Variants in ZNF536 observed in about 807,000 individuals in gnomAD.
ZNF536 encodes the protein zinc finger protein 536.
ZNF536 carries 13 observed loss-of-function variants against 84.5 expected under a neutral mutation model. The ratio of observed to expected loss-of-function variants is 0.15; its 90% CI spans 0.10 to 0.24. The LOEUF (loss-of-function observed/expected upper bound fraction) is 0.24, where lower values mean the gene tolerates loss of function less well. Ranked by LOEUF, ZNF536 falls within the 10% of genes least tolerant of loss-of-function variation. The pLI, the probability that ZNF536 is intolerant of heterozygous loss-of-function variation, is 1.00. For missense variants in ZNF536, 1,536 were observed against 1,747.5 expected, an observed-to-expected ratio of 0.88 and a Z score of 2.16; for synonymous variants, 811 against 742.5, an observed-to-expected ratio of 1.09 and a Z score of -1.50.
chr19:30,695,472 C>G (rs2051617670), intron 1 of ZNF536, among the ~76,000 whole-genome samples: 1 of 152,190 alleles, frequency 6.6e-6, no homozygotes, highest in Admixed American at 6.5e-5. Flanking sequence ...ATAAGTGGAG[C>G]TCTGCAGACT....
intron 2 of ZNF536, among the ~76,000 whole-genome samples, chr19:30,517,948 A>G (rs2044152647): frequency 6.6e-6 from 1 of 152,172 alleles, no homozygotes; most frequent in Non-Finnish European, 1.5e-5. Context: ...GGGCGAGGTC[A>G]TTAACGTGGT....
intron 1 of ZNF536, among the ~76,000 whole-genome samples, chr19:30,636,243 C>T (rs1057127527): frequency 1.3e-5 from 2 of 152,066 alleles, no homozygotes; most frequent in African/African-American, 4.8e-5. Context: ...AATGAGATAA[C>T]CAGGTCCTAC....
At chr19:30,324,455 T>C (rs2046958034) in intron 2 of ZNF536, among the ~76,000 whole-genome samples, 1 of 152,222 alleles carries the variant, frequency 6.6e-6, no homozygotes, top group Non-Finnish European at 1.5e-5. Flanking sequence ...CTATCATGGC[T>C]CTCTGCAGTC....
chr19:30,535,152 C>T (rs992822662), intron 3 of ZNF536, among the ~76,000 whole-genome samples, 153 bp downstream of exon 3: 1 of 152,170 alleles, frequency 6.6e-6, no homozygotes, highest in Admixed American at 6.5e-5. Context: ...GGCTCAGAAG[C>T]GGCCCTCATT....
At chr19:30,408,480 C>T (rs1339149611) in intron 1 of ZNF536, among the ~76,000 whole-genome samples, 1 of 152,152 alleles carries the variant, frequency 6.6e-6, no homozygotes, top group Non-Finnish European at 1.5e-5. Context: ...AGCCTTTTCT[C>T]CAGGAATTAG....
intron 1 of ZNF536, among the ~76,000 whole-genome samples, chr19:30,695,545 TG>T (rs1186832000): frequency 6.6e-6 from 1 of 152,010 alleles, no homozygotes; most frequent in Non-Finnish European, 1.5e-5. Context: ...GAAGAAGATG[TG>T]GGGGCTGGAG....
chr19:30,320,927 G>A (rs538591488), intron 2 of ZNF536, among the ~76,000 whole-genome samples: 8 of 152,290 alleles, frequency 5.3e-5, no homozygotes, highest in African/African-American at 1.9e-4. Flanking sequence ...AATACGTATT[G>A]AATGGTTAGT....
At chr19:30,582,219 C>A (rs1208334861) in intron 1 of ZNF536, among the ~76,000 whole-genome samples, 1 of 152,058 alleles carries the variant, frequency 6.6e-6, no homozygotes, top group Non-Finnish European at 1.5e-5. Context: ...GGCAGACGTG[C>A]ACCAAAGGGA....
At chr19:30,508,888 C>T (rs969703784) in intron 2 of ZNF536, among the ~76,000 whole-genome samples, 2 of 131,258 alleles carry the variant, frequency 1.5e-5, no homozygotes, top group African/African-American at 3.0e-5. Context: ...AGTACAGTGG[C>T]ATGATCATGG....
intron 2 of ZNF536, among the ~76,000 whole-genome samples, chr19:30,315,694 C>T (rs769530492): frequency 6.6e-6 from 1 of 152,184 alleles, no homozygotes; most frequent in African/African-American, 2.4e-5. Context: ...CCCCTTTCAA[C>T]TCTACTTCCA....
chr19:30,464,188 T>C (rs2053280289), intron 2 of ZNF536, among the ~76,000 whole-genome samples: 1 of 152,010 alleles, frequency 6.6e-6, no homozygotes. Flanking sequence ...TGCTTACGGG[T>C]TTAGCTGACC....
intron 1 of ZNF536, among the ~76,000 whole-genome samples, chr19:30,654,714 T>TC (rs1246410595): frequency 6.6e-6 from 1 of 152,058 alleles, no homozygotes; most frequent in African/African-American, 2.4e-5. Context: ...TTGTTTTTTT[T>TC]CTCCATGAAG....
At chr19:30,665,603 C>G (rs1293720420) in intron 1 of ZNF536, 1 of 152,152 alleles carries the variant, frequency 6.6e-6, no homozygotes, top group Non-Finnish European at 1.5e-5. Context: ...CCTGGTCACT[C>G]AAAGGCCATG....
intron 2 of ZNF536, among the ~76,000 whole-genome samples, chr19:30,324,855 T>G (rs890370725): frequency 4.6e-5 from 7 of 152,222 alleles, no homozygotes; most frequent in African/African-American, 1.7e-4. Flanking sequence ...GCCCCTCTCT[T>G]CTTCCAGTCC....
intron 3 of ZNF536, among the ~76,000 whole-genome samples, chr19:30,352,763 A>G (rs986786305): frequency 1.3e-5 from 2 of 152,118 alleles, no homozygotes; most frequent in African/African-American, 2.4e-5. Flanking sequence ...AGGCACAAAG[A>G]GATCGTGAAA....
At chr19:30,630,125 G>A (rs956821341) in intron 1 of ZNF536, among the ~76,000 whole-genome samples, 5 of 152,250 alleles carry the variant, frequency 3.3e-5, no homozygotes, top group Non-Finnish European at 5.9e-5. Flanking sequence ...AGAGTGGGCC[G>A]GAGAGCACCA....
intron 2 of ZNF536, among the ~76,000 whole-genome samples, chr19:30,489,757 G>A (rs1051224905): frequency 3.3e-5 from 5 of 152,268 alleles, no homozygotes; most frequent in African/African-American, 7.2e-5. Flanking sequence ...ACTGACAGTC[G>A]TCGTCAGGTA....
intron 2 of ZNF536, among the ~76,000 whole-genome samples, chr19:30,518,516 G>T (rs2044183870): frequency 6.6e-6 from 1 of 152,222 alleles, no homozygotes; most frequent in South Asian, 2.1e-4. Flanking sequence ...TAAGGGGCAG[G>T]AGTTTTGAAT....
chr19:30,658,167 G>A (rs990739617), intron 1 of ZNF536, among the ~76,000 whole-genome samples: 1 of 152,086 alleles, frequency 6.6e-6, no homozygotes, highest in Non-Finnish European at 1.5e-5. Context: ...GACTACAAGT[G>A]TGCATCACCA....
Sources: allele counts gnomAD v4.1 joint callset (sites outside exome capture counted in the v4.1 genomes callset), GRCh38; gene constraint gnomAD v4.1.1; transcripts MANE v1.5; gene names NCBI Gene and HGNC (gene_info 2026-07-23, HGNC 2026-07-21).